Variants in TBL1XR1 observed in about 807,000 individuals in gnomAD.
TBL1XR1 encodes F-box-like/WD repeat-containing protein TBL1XR1.
In TBL1XR1, 5 loss-of-function variants were observed where a neutral mutation model predicts 66.9. That is an observed-to-expected ratio of 0.07 (90% confidence interval 0.04 to 0.16). The LOEUF (loss-of-function observed/expected upper bound fraction) is 0.16. Among genes scored for constraint, TBL1XR1 ranks in the 10% least tolerant of loss-of-function variants. TBL1XR1 has a pLI of 1.00. For synonymous variants in TBL1XR1, 210 were observed against 206.0 expected (o/e 1.02, Z -0.17); for missense variants, 238 against 623.2 (o/e 0.38, Z 6.58).
At chr3:177,060,575 C>G (rs985112189) in intron 3 of TBL1XR1, among the ~76,000 whole-genome samples, 23 of 152,174 alleles carry the variant, frequency 1.5e-4, no homozygotes, top group Non-Finnish European at 1.2e-4. Context: ...AAAATGACAT[C>G]TTCTTATAGA....
In TBL1XR1 at chr3:177,025,454, T is replaced by C. The variant is rs1712971945; in HGVS notation, c.*44A>G. 2 of 1,608,828 alleles carry C rather than the reference T, an allele frequency of 1.2e-6. No individual in the cohort carries two copies. Among genetic ancestry groups the C allele is most frequent in the Non-Finnish European group, 1.7e-6 (2 of 1,177,076 alleles). On this transcript the variant is annotated 3_prime_UTR_variant, in exon 16 of 16. Coordinates refer to ENST00000457928, the MANE Select transcript of TBL1XR1 (RefSeq NM_024665.7). ...ATGGGTCAGGGACAGTCATTTTGGC[T>C]ATGTACACATTCATAGTCGGTCCAT...
intron 1 of TBL1XR1, among the ~76,000 whole-genome samples, chr3:177,107,946 G>A (rs982396649): frequency 6.6e-6 from 1 of 151,296 alleles, no homozygotes; most frequent in Non-Finnish European, 1.5e-5. Flanking sequence ...ACTCAACTCT[G>A]CTATTATACA....
rs535565188 is a variant in TBL1XR1, at chr3:177,021,693, A to C, written c.*3805T>G. ...AACAAAGAAAACAAAACGAAAAACC[A>C]ACCAGGGTCTCTTGTAGATTTGCTG... On this transcript the variant is annotated 3_prime_UTR_variant, in exon 16 of 16. Transcript: ENST00000457928. 1 of 152,704 alleles carries C rather than the reference A, an allele frequency of 6.5e-6. No homozygotes were observed. The highest frequency in any genetic ancestry group is 1.9e-4 in the East Asian group (1 of 5,186). 9.5% of individuals were successfully genotyped at this position (152,704 alleles called of 1,614,324 possible).
chr3:177,058,445 T>C (rs183506569), intron 3 of TBL1XR1, among the ~76,000 whole-genome samples: 5 of 152,332 alleles, frequency 3.3e-5, no homozygotes, highest in East Asian at 1.9e-4. Flanking sequence ...ACTATGAACA[T>C]TTTATATAAA....
At chr3:177,160,323 A>T (rs1368403972) in intron 1 of TBL1XR1, among the ~76,000 whole-genome samples, 2 of 151,896 alleles carry the variant, frequency 1.3e-5, no homozygotes, top group Non-Finnish European at 2.9e-5. Context: ...AAATACAAAA[A>T]ATTAGCTGGG....
At chr3:177,082,195 T>C (rs546606195) in intron 2 of TBL1XR1, among the ~76,000 whole-genome samples, 9 of 152,254 alleles carry the variant, frequency 5.9e-5, no homozygotes, top group Non-Finnish European at 1.0e-4. Flanking sequence ...AGTTATAATA[T>C]ATACAAATGG....
chr3:177,151,443 AT>A (rs1021891169), intron 1 of TBL1XR1, among the ~76,000 whole-genome samples: 3 of 152,240 alleles, frequency 2.0e-5, no homozygotes, highest in African/African-American at 7.2e-5. Flanking sequence ...ACAGCATTAG[AT>A]TCTCACAGGA....
In TBL1XR1 at chr3:177,176,032, C is replaced by A. The variant is rs1350837822; in HGVS notation, c.-122+21089G>T. 5.4e-5 allele frequency among the ~76,000 whole-genome samples: 8 copies of A among 149,244 alleles called. 1 individual carries two copies. The highest frequency in any genetic ancestry group is 2.0e-4 in the Admixed American group (3 of 14,952). ...CCACATAGCGCCACTGCACTCCAGC[C>A]TGGGCAACAGAGCGAGACTCTGTCT... is the stretch of plus-strand genomic sequence containing the variant. On this transcript the variant is annotated intron_variant, in intron 1 of 15. Coordinates refer to ENST00000457928, the MANE Select transcript of TBL1XR1 (RefSeq NM_024665.7).
chr3:177,138,117 A>G (rs1038476085), intron 1 of TBL1XR1, among the ~76,000 whole-genome samples: 3 of 152,240 alleles, frequency 2.0e-5, no homozygotes, highest in Non-Finnish European at 4.4e-5. Flanking sequence ...TCAAGGCCAC[A>G]CTAGAGAAGT....
chr3:177,163,541 T>C (rs1171930253), intron 1 of TBL1XR1, among the ~76,000 whole-genome samples: 1 of 149,690 alleles, frequency 6.7e-6, no homozygotes, highest in Non-Finnish European at 1.5e-5. Context: ...TTTGTGTAGA[T>C]GTGAGAAGAT....
At chr3:177,117,231 A>G (rs1473656965) in intron 1 of TBL1XR1, among the ~76,000 whole-genome samples, 5 of 152,196 alleles carry the variant, frequency 3.3e-5, no homozygotes. Flanking sequence ...AACAAACATC[A>G]GTCTAGTATT....
intron 5 of TBL1XR1, among the ~76,000 whole-genome samples, chr3:177,050,920 T>C (rs1716987970): frequency 6.6e-6 from 1 of 152,152 alleles, no homozygotes; most frequent in African/African-American, 2.4e-5. Context: ...ATAATGTCTA[T>C]CAGTACTATT....
intron 3 of TBL1XR1, among the ~76,000 whole-genome samples, chr3:177,064,393 A>G (rs995807379): frequency 2.6e-5 from 4 of 152,192 alleles, no homozygotes; most frequent in African/African-American, 9.7e-5. Context: ...AACTTGGAAG[A>G]TCACTGATTG....
At position 177,034,182 on chromosome 3, in the gene TBL1XR1, G is replaced by A. The variant is rs1714428772; in HGVS notation, c.1250+16C>T. 11 of 1,595,168 alleles carry A rather than the reference G, an allele frequency of 6.9e-6. No individual in the cohort carries two copies. The highest frequency in any genetic ancestry group is 9.4e-6 in the Non-Finnish European group (11 of 1,174,200). The stretch of plus-strand genomic sequence containing the variant: ...GTAGAAGACTCATAAAAGGAAAAAT[G>A]AAACAGAAGTATCACCTTGCTAACA... On this transcript the variant is annotated intron_variant, in intron 13 of 15. Transcript: ENST00000457928.
intron 1 of TBL1XR1, among the ~76,000 whole-genome samples, chr3:177,124,115 AT>A (rs1727321810): frequency 6.6e-6 from 1 of 152,068 alleles, no homozygotes; most frequent in Non-Finnish European, 1.5e-5. Context: ...GATGAGACCA[AT>A]TTTCAGGGTA....
intron 1 of TBL1XR1, among the ~76,000 whole-genome samples, chr3:177,175,636 A>G (rs1466721852): frequency 6.6e-6 from 1 of 152,232 alleles, no homozygotes; most frequent in Non-Finnish European, 1.5e-5. Flanking sequence ...AAAACCTCTC[A>G]GAGATTCAAC....
At chr3:177,090,835 A>C (rs569537134) in intron 2 of TBL1XR1, among the ~76,000 whole-genome samples, 41 of 152,068 alleles carry the variant, frequency 2.7e-4, no homozygotes, top group Middle Eastern at 3.4e-3. Flanking sequence ...AGAAGTTAAA[A>C]CAATTAGCCA....
intron 14 of TBL1XR1, chr3:177,027,401 CA>C (rs1331951339): frequency 1.3e-5 from 2 of 152,154 alleles, no homozygotes; most frequent in South Asian, 2.1e-4. Context: ...ATAAATGTAA[CA>C]ACGTTATTTT....
intron 4 of TBL1XR1, 49 bp downstream of exon 4, chr3:177,053,724 G>T (rs775666880): frequency 6.5e-7 from 1 of 1,542,114 alleles, no homozygotes; most frequent in Non-Finnish European, 8.9e-7. Flanking sequence ...CTGACTTAAC[G>T]GCATATTTAA....
Sources: allele counts gnomAD v4.1 joint callset (sites outside exome capture counted in the v4.1 genomes callset), GRCh38; gene constraint gnomAD v4.1.1; transcripts MANE v1.5; gene names NCBI Gene and HGNC (gene_info 2026-07-23, HGNC 2026-07-21).